Variants in ADAM17 observed in about 807,000 individuals in gnomAD.
ADAM17 encodes disintegrin and metalloproteinase domain-containing protein 17.
In ADAM17, 39 loss-of-function variants were observed where a neutral mutation model predicts 96.7. The ratio of observed to expected loss-of-function variants is 0.40; its 90% CI spans 0.31 to 0.53. The LOEUF (loss-of-function observed/expected upper bound fraction) is 0.53. ADAM17 is among the 20% of genes least tolerant of loss of function. The pLI, the probability that ADAM17 is intolerant of heterozygous loss-of-function variation, is 0.44. For synonymous variants in ADAM17, 344 were observed against 359.2 expected, an observed-to-expected ratio of 0.96 and a Z score of 0.48; for missense variants, 777 against 1,013.2, an observed-to-expected ratio of 0.77 and a Z score of 3.17.
chr2:9,490,067 CA>C lies in ADAM17; in HGVS notation c.*109del. On this transcript the variant is annotated 3_prime_UTR_variant, in exon 19 of 19. Transcript: ENST00000310823. ...GCAGGAAGTTCAAACACATGACCAGCATCTGCTAAGTCACTTCCCAGTCTTC... is the reference window on the plus strand; with the variant it reads ...GCAGGAAGTTCAAACACATGACCAGCTCTGCTAAGTCACTTCCCAGTCTTC... The C allele has an allele frequency of 9.8e-7, 1 of 1,022,640 alleles. No individual in the cohort carries two copies. The highest frequency in any genetic ancestry group is 1.6e-5 in the African/African-American group (1 of 61,732). The allele number at this position is 1,022,640 out of a possible 1,614,324, so 63.3% of individuals were successfully genotyped here. A position where few individuals can be genotyped will look rare whatever the true frequency, so the allele number is the denominator to read the frequency against.
intron 1 of ADAM17, 36 bp from the exon 2 acceptor site, chr2:9,543,321 C>T (rs772109510): frequency 1.3e-6 from 2 of 1,522,832 alleles, no homozygotes; most frequent in Admixed American, 2.1e-5. Context: ...AGCATCTAAA[C>T]CTAATAATCA....
intron 7 of ADAM17, among the ~76,000 whole-genome samples, chr2:9,522,910 G>A (rs552658994): frequency 6.6e-6 from 1 of 152,210 alleles, no homozygotes; most frequent in African/African-American, 2.4e-5. Context: ...TCTGACTAAG[G>A]ATTCAATGGT....
In ADAM17 at chr2:9,535,941, T is replaced by A. The variant is rs565512166; in HGVS notation, c.362-19A>T. On this transcript the variant is annotated intron_variant, in intron 3 of 18. Coordinates refer to ENST00000310823, the MANE Select transcript of ADAM17 (RefSeq NM_003183.6). ...GGCTCACCTTAAGAGAAAAAAAAAA[T>A]TATTATTTAAAAATACTTACATCAA... 5.7e-5 allele frequency: 80 copies of A among 1,413,248 alleles called. No homozygotes were observed. The African/African-American group carries it at 9.0e-4, about 16-fold the overall frequency. The allele number at this position is 1,413,248 out of a possible 1,614,324, so 87.5% of individuals were successfully genotyped here.
At chr2:9,551,843 C>T (rs1211822405) in intron 1 of ADAM17, among the ~76,000 whole-genome samples, 1 of 152,166 alleles carries the variant, frequency 6.6e-6, no homozygotes, top group Non-Finnish European at 1.5e-5. Context: ...GTCACTGTCT[C>T]GGCCACCCAC....
intron 18 of ADAM17, 126 bp from the exon 19 acceptor site, chr2:9,490,644 T>C (rs1448087486): frequency 2.0e-6 from 2 of 1,008,888 alleles, no homozygotes; most frequent in Non-Finnish European, 2.8e-6. Context: ...AAAAAAGTGC[T>C]AGGTGAGGCT....
chr2:9,543,508 CTA>C (rs1665297197), intron 1 of ADAM17, among the ~76,000 whole-genome samples: 1 of 152,300 alleles, frequency 6.6e-6, no homozygotes, highest in South Asian at 2.1e-4. Flanking sequence ...TAAAAACTGT[CTA>C]AAAATATTTG....
In ADAM17 at chr2:9,555,594, A is replaced by G. The variant is rs979642452; in HGVS notation, c.12T>C (p.Ser4=). The G allele has an allele frequency of 6.3e-7, 1 of 1,583,140 alleles. No individual in the cohort carries two copies. Among genetic ancestry groups the G allele is most frequent in the Non-Finnish European group, 8.6e-7 (1 of 1,163,924 alleles). The part of the protein sequence containing the change: MRQ[S]LLFLTSVVPF... The stretch of plus-strand genomic sequence containing the variant: ...GAACCACGCTGGTCAGGAATAGGAG[A>G]GACTGCCTCATGTTCCCGGCCCCGC... The change falls in exon 1 of 19, where the codon TCT becomes TCC. Residue 4 remains serine (S), a synonymous_variant. Transcript: ENST00000310823.
At chr2:9,508,723 C>T (rs552816175) in intron 11 of ADAM17, among the ~76,000 whole-genome samples, 13 of 152,260 alleles carry the variant, frequency 8.5e-5, no homozygotes, top group African/African-American at 2.4e-4. Context: ...AGAGCAGACA[C>T]AAAACATCCC....
At chr2:9,506,407 A>G (rs1182429034) in intron 11 of ADAM17, among the ~76,000 whole-genome samples, 1 of 122,200 alleles carries the variant, frequency 8.2e-6, no homozygotes, top group Non-Finnish European at 1.6e-5. Flanking sequence ...TTGCTCTGTC[A>G]CCAGGCTGGA....
At chr2:9,525,912 T>C (rs1345174598) in intron 6 of ADAM17, among the ~76,000 whole-genome samples, 199 bp downstream of exon 6, 1 of 152,192 alleles carries the variant, frequency 6.6e-6, no homozygotes, top group East Asian at 1.9e-4. Context: ...GCAGAAAATA[T>C]TAGTTCAAGG....
intron 17 of ADAM17, among the ~76,000 whole-genome samples, chr2:9,491,926 C>A (rs937459730): frequency 6.6e-6 from 1 of 152,214 alleles, no homozygotes; most frequent in Non-Finnish European, 1.5e-5. Flanking sequence ...TAGAAGCAAT[C>A]GTGATGGATG....
At chr2:9,500,777 A>G (rs1224805622) in intron 13 of ADAM17, among the ~76,000 whole-genome samples, 2 of 152,206 alleles carry the variant, frequency 1.3e-5, no homozygotes, top group Non-Finnish European at 2.9e-5. Flanking sequence ...ATGTAGAGAT[A>G]TGTCCGTTTA....
At position 9,488,806 on chromosome 2, in the gene ADAM17, TGGG is replaced by T. The variant is rs1661814590; in HGVS notation, c.*1368_*1370del. ...TCTGAGTAACAAATGTCCTTGGAAA[TGGG>T]GGGTAGGAGGAGATATGATTAGTCA... is the stretch of plus-strand genomic sequence containing the variant. On this transcript the variant is annotated 3_prime_UTR_variant, in exon 19 of 19. Transcript: ENST00000310823. 2.0e-5 allele frequency: 3 copies of T among 152,170 alleles called. No homozygotes were observed. The highest frequency in any genetic ancestry group is 2.4e-5 in the African/African-American group (1 of 41,422). 9.4% of individuals were successfully genotyped at this position (152,170 alleles called of 1,614,324 possible). A position where few individuals can be genotyped will look rare whatever the true frequency, so the allele number is the denominator to read the frequency against.
At chr2:9,523,934 G>A (rs758703799) in intron 6 of ADAM17, among the ~76,000 whole-genome samples, 3 of 150,954 alleles carry the variant, frequency 2.0e-5, no homozygotes, top group South Asian at 2.1e-4. Flanking sequence ...GCAGTACAGC[G>A]GCACGATCAT....
chr2:9,506,239 C>G (rs1663378716), intron 11 of ADAM17, among the ~76,000 whole-genome samples: 1 of 151,988 alleles, frequency 6.6e-6, no homozygotes, highest in Non-Finnish European at 1.5e-5. Context: ...TGTATGAGAC[C>G]CTCCAAAGGT....
At chr2:9,549,001 C>T (rs1216367535) in intron 1 of ADAM17, among the ~76,000 whole-genome samples, 1 of 152,156 alleles carries the variant, frequency 6.6e-6, no homozygotes, top group African/African-American at 2.4e-5. Context: ...AATGCATTGA[C>T]ATAAAGTATA....
chr2:9,547,775 T>A (rs775162045), intron 1 of ADAM17, among the ~76,000 whole-genome samples: 16 of 152,124 alleles, frequency 1.1e-4, no homozygotes, highest in Non-Finnish European at 4.4e-5. Context: ...ATAGGCCAGC[T>A]GTGGTGGCTC....
At position 9,535,954 on chromosome 2, in the gene ADAM17, A is replaced by G; in HGVS notation, c.362-32T>C. On this transcript the variant is annotated intron_variant, in intron 3 of 18. Transcript: ENST00000310823. ...AGAAAAAAAAAATTATTATTTAAAAATACTTACATCAAATAAGAAACTATG... is the reference window on the plus strand; with the variant it reads ...AGAAAAAAAAAATTATTATTTAAAAGTACTTACATCAAATAAGAAACTATG... 2 of 1,379,786 alleles carry G rather than the reference A, an allele frequency of 1.4e-6. 1 individual carries two copies. The highest frequency in any genetic ancestry group is 2.9e-5 in the South Asian group (2 of 69,162). 85.5% of individuals were successfully genotyped at this position (1,379,786 alleles called of 1,614,324 possible).
intron 10 of ADAM17, among the ~76,000 whole-genome samples, chr2:9,515,263 A>G (rs1663999937): frequency 6.6e-6 from 1 of 152,194 alleles, no homozygotes; most frequent in Non-Finnish European, 1.5e-5. Flanking sequence ...TATAGTATGT[A>G]GCCTTTCAGA....
Sources: gnomAD v4.1 joint callset for allele counts (sites outside exome capture counted in the v4.1 genomes callset) on GRCh38, gnomAD v4.1.1 for gene constraint, MANE v1.5 for transcripts, NCBI Gene and HGNC (gene_info 2026-07-23, HGNC 2026-07-21) for gene names.